ARHGAP4: variants seen among roughly 807,000 people sequenced by gnomAD.
ARHGAP4 encodes the protein Rho GTPase activating protein 4, also known as rho GTPase-activating protein 4.
A neutral mutation model predicts 67.6 loss-of-function variants in ARHGAP4; 25 were observed. The observed-to-expected ratio is 0.37, with a 90% CI of 0.27 to 0.52. The LOEUF (loss-of-function observed/expected upper bound fraction) is 0.52. Among genes scored for constraint, ARHGAP4 ranks in the 20% least tolerant of loss-of-function variants. The pLI, the probability that ARHGAP4 is intolerant of heterozygous loss-of-function variation, is 0.92. For synonymous variants in ARHGAP4, 448 were observed against 373.7 expected (o/e 1.20, Z -2.29); for missense variants, 804 against 854.6 (o/e 0.94, Z 0.74).
chrX:153,924,098 A>G (rs2148529056), intron 1 of ARHGAP4, among the ~76,000 whole-genome samples: 1 of 112,066 alleles, frequency 8.9e-6, no homozygotes, highest in Non-Finnish European at 1.9e-5. Context: ...ATTTTTTGAT[A>G]AAAGTAAATT....
Position 153,907,472 on chromosome X carries a change from C to T in ARHGAP4, c.*257G>A, listed in dbSNP as rs1169386042. 1 of 363,249 alleles carries T rather than the reference C, an allele frequency of 2.8e-6. No homozygotes were observed. Among genetic ancestry groups the T allele is most frequent in the Admixed American group, 4.7e-5 (1 of 21,065 alleles). 29.9% of individuals were successfully genotyped at this position (363,249 alleles called of 1,213,427 possible). A position where few individuals can be genotyped will look rare whatever the true frequency, so the allele number is the denominator to read the frequency against. The stretch of plus-strand genomic sequence containing the variant: ...CACCCAGCAGCCACTGATCAGCCTT[C>T]CACAAAGCTGCAGAAGAGGGCTTTC... On this transcript the variant is annotated 3_prime_UTR_variant, in exon 22 of 22. Transcript: ENST00000350060.
chrX:153,926,063 G>A, intron 1 of ARHGAP4, 73 bp downstream of exon 1: 1 of 1,154,966 alleles, frequency 8.7e-7, no homozygotes, highest in Non-Finnish European at 1.2e-6. Flanking sequence ...GCCAGCGCGG[G>A]GACGCTTGGA....
At chrX:153,920,471 G>C in intron 5 of ARHGAP4, 155 bp downstream of exon 5, 1 of 630,369 alleles carries the variant, frequency 1.6e-6, no homozygotes, top group South Asian at 3.1e-5. Context: ...CTCAGGCCCT[G>C]GGAGCCTTCC....
intron 15 of ARHGAP4, 36 bp from the exon 16 acceptor site, chrX:153,910,647 C>T (rs782759741): frequency 3.3e-5 from 39 of 1,182,826 alleles, no homozygotes; most frequent in Middle Eastern, 4.8e-4. Context: ...GCCGCGTGAG[C>T]GGGGCTGCCC....
chrX:153,914,173 G>A, intron 7 of ARHGAP4: 1 of 333,501 alleles, frequency 3.0e-6, no homozygotes, highest in East Asian at 5.3e-5. Context: ...ATCCACTTAT[G>A]TGAAGTGTCC....
rs1456665347 is a variant in ARHGAP4, at chrX:153,921,750, G to A, written c.127C>T (p.Arg43Trp). 5 of 1,201,452 alleles carry A rather than the reference G, an allele frequency of 4.2e-6. No individual in the cohort carries two copies. The highest frequency in any genetic ancestry group is 5.6e-6 in the Non-Finnish European group (5 of 890,937). ...TCTGCCAGCTCCTGCAGCAACTCCCGCCGCAGCTCGCCCTGCAGCTCCAGG... is the reference window on the plus strand; with the variant it reads ...TCTGCCAGCTCCTGCAGCAACTCCCACCGCAGCTCGCCCTGCAGCTCCAGG... ...RCLELQGELR[R>W]ELLQELAEFM... The change falls in exon 2 of 22, where the codon CGG (arginine) becomes TGG (tryptophan). Residue 43 changes from arginine (R) to tryptophan (W), a missense_variant. Physicochemically the swap from Arg to Trp is moderately radical, Grantham distance 101. Around this residue, in one of 2 missense-constraint regions of ARHGAP4, gnomAD observed 404 missense variants for 505.9 expected, o/e 0.80. Coordinates refer to ENST00000350060, the MANE Select transcript of ARHGAP4 (RefSeq NM_001666.5).
At chrX:153,926,093 T>A in intron 1 of ARHGAP4, 43 bp downstream of exon 1, 1 of 1,191,645 alleles carries the variant, frequency 8.4e-7, no homozygotes, top group South Asian at 1.8e-5. Context: ...CGACCTTGGG[T>A]TCTCCGCAGG....
At chrX:153,914,222 G>A in intron 7 of ARHGAP4, 1 of 252,301 alleles carries the variant, frequency 4.0e-6, no homozygotes, top group Non-Finnish European at 7.1e-6. Flanking sequence ...CAGAGTGGGT[G>A]CCAGCTGGAG....
At position 153,913,785 on chromosome X, in the gene ARHGAP4, G is replaced by T; in HGVS notation, c.1127C>A (p.Thr376Lys). 8.3e-7 allele frequency: 1 copy of T among 1,211,458 alleles called. No individual in the cohort carries two copies. Among genetic ancestry groups the T allele is most frequent in the Non-Finnish European group, 1.1e-6 (1 of 895,074 alleles). The change falls in exon 8 of 22, where the codon ACA (threonine) becomes AAA (lysine). Residue 376 changes from threonine (T) to lysine (K), a missense_variant. Physicochemically the swap from Thr to Lys is moderately conservative, Grantham distance 78. Around this residue, in one of 2 missense-constraint regions of ARHGAP4, gnomAD observed 404 missense variants for 505.9 expected, o/e 0.80. Coordinates refer to ENST00000350060, the MANE Select transcript of ARHGAP4 (RefSeq NM_001666.5). ...CCGGTGGGCTGCCCAGACCTCCTCT[G>T]TCTCAATGGTCTGTCGGTCCAGGCG... ...QSRLDRQTIE[T>K]EEVNKTLKAT...
intron 19 of ARHGAP4, 90 bp from the exon 20 acceptor site, chrX:153,909,625 A>G: frequency 9.4e-7 from 1 of 1,068,287 alleles, no homozygotes; most frequent in Non-Finnish European, 1.2e-6. Flanking sequence ...GAGTGGTCAG[A>G]GAGGCTCTGT....
intron 10 of ARHGAP4, 23 bp downstream of exon 10, chrX:153,913,195 G>C: frequency 8.6e-7 from 1 of 1,166,041 alleles, no homozygotes; most frequent in Non-Finnish European, 1.1e-6. Context: ...GAGAGGCGGG[G>C]AAGGGGGCAG....
intron 21 of ARHGAP4, 99 bp from the exon 22 acceptor site, chrX:153,908,061 C>T: frequency 1.4e-6 from 1 of 714,139 alleles, no homozygotes; most frequent in East Asian, 4.2e-5. Flanking sequence ...AGCAAGCCCT[C>T]AGCCAACATC....
intron 21 of ARHGAP4, among the ~76,000 whole-genome samples, chrX:153,908,789 T>G (rs1172609410): frequency 8.9e-6 from 1 of 112,322 alleles, no homozygotes; most frequent in Non-Finnish European, 1.9e-5. Context: ...CTCCCTGCTC[T>G]GAAGCTGAAC....
Position 153,909,737 on chromosome X carries a change from T to C in ARHGAP4, c.2414+4A>G. 8.4e-7 allele frequency: 1 copy of C among 1,183,829 alleles called. No individual in the cohort carries two copies. The highest frequency in any genetic ancestry group is 1.9e-5 in the South Asian group (1 of 52,688). Reference sequence around the variant, plus strand: ...CCTGGGGCCTGAGGGCGCGGCTCACTCACCCGGCGGGCAGCGTGATATACT... The same window carrying C: ...CCTGGGGCCTGAGGGCGCGGCTCACCCACCCGGCGGGCAGCGTGATATACT... On this transcript the variant is annotated splice_donor_region_variant and intron_variant, in intron 19 of 21. Transcript: ENST00000350060.
chrX:153,914,596 C>T (rs2065042702), intron 7 of ARHGAP4, among the ~76,000 whole-genome samples: 2 of 112,214 alleles, frequency 1.8e-5, no homozygotes, highest in Admixed American at 1.9e-4. Context: ...ACTTGGGAGG[C>T]TGAGGCAGGG....
At chrX:153,917,771 C>T (rs1379080172) in intron 7 of ARHGAP4, among the ~76,000 whole-genome samples, 3 of 112,101 alleles carry the variant, frequency 2.7e-5, no homozygotes, top group Non-Finnish European at 5.6e-5. Context: ...CACAACAAAA[C>T]AAAACAAAGA....
chrX:153,909,796 C>A lies in ARHGAP4; in HGVS notation c.2359G>T (p.Glu787Ter). The change falls in exon 19 of 22, where the codon GAG becomes TAG. Residue 787 changes from glutamate to a stop codon, truncating the protein, a stop_gained. Coordinates refer to ENST00000350060, the MANE Select transcript of ARHGAP4 (RefSeq NM_001666.5). LOFTEE classifies it high-confidence loss of function. ...ERASSDWWRG[E>*]HNGMRGLIPH... ...ATGAGGCCCCGCATGCCGTTGTGCT[C>A]CCCCCGCCACCAGTCGCTCGAGGCC... 1 of 1,199,937 alleles carries A rather than the reference C, an allele frequency of 8.3e-7. No individual in the cohort carries two copies. The highest frequency in any genetic ancestry group is 1.1e-6 in the Non-Finnish European group (1 of 890,350).
At chrX:153,921,857 G>A in intron 1 of ARHGAP4, 48 bp from the exon 2 acceptor site, 1 of 1,135,953 alleles carries the variant, frequency 8.8e-7, no homozygotes, top group Non-Finnish European at 1.2e-6. Context: ...CCCTGCCTGG[G>A]TCAGCCAGGC....
Position 153,913,062 on chromosome X carries a change from G to T in ARHGAP4, c.1412-11C>A. The stretch of plus-strand genomic sequence containing the variant: ...GCTCCTCCTTGTCACCTGTGGGGTG[G>T]GAGAACATTGGTCTGCCTCTCGGGC... On this transcript the variant is annotated splice_polypyrimidine_tract_variant and intron_variant, in intron 10 of 21. Coordinates refer to ENST00000350060, the MANE Select transcript of ARHGAP4 (RefSeq NM_001666.5). The T allele has an allele frequency of 1.7e-6, 2 of 1,188,918 alleles. No homozygotes were observed. Among genetic ancestry groups the T allele is most frequent in the South Asian group, 3.7e-5 (2 of 54,225 alleles).
Sources: allele counts gnomAD v4.1 joint callset (sites outside exome capture counted in the v4.1 genomes callset), GRCh38; gene constraint gnomAD v4.1.1; regional missense constraint gnomAD v4.1.1; transcripts MANE v1.5; gene names NCBI Gene and HGNC (gene_info 2026-07-23, HGNC 2026-07-21).